Variants in REELD1 observed in about 807,000 individuals in gnomAD.
The protein encoded by REELD1 is reelin domain-containing protein 1.
Under a neutral mutation model 6.3 loss-of-function variants are expected in REELD1, and 12 were observed. The ratio of observed to expected loss-of-function variants is 1.89; its 90% CI spans 1.21 to 3.07. REELD1 has a LOEUF of 3.07. Ranked by LOEUF, REELD1 falls within the 30% of genes most tolerant of loss-of-function variation. The pLI is 0.00. For synonymous variants in REELD1, 57 were observed against 33.6 expected, an observed-to-expected ratio of 1.70 and a Z score of -2.42; for missense variants, 163 against 86.8, an observed-to-expected ratio of 1.88 and a Z score of -3.49.
At chr4:146,219,040 T>G (rs1730875350) in intron 3 of REELD1, among the ~76,000 whole-genome samples, 1 of 152,110 alleles carries the variant, frequency 6.6e-6, no homozygotes, top group Admixed American at 6.5e-5. Flanking sequence ...TGTTCCCAGC[T>G]ACACTGGAGG....
chr4:146,216,149 ATCT>A (rs1730822304), intron 2 of REELD1, among the ~76,000 whole-genome samples: 5 of 152,170 alleles, frequency 3.3e-5, no homozygotes. Flanking sequence ...TATTTTTGTC[ATCT>A]TCTTTTACAT....
intron 5 of REELD1, among the ~76,000 whole-genome samples, chr4:146,224,847 A>G (rs1730992555): frequency 6.6e-6 from 1 of 152,180 alleles, no homozygotes; most frequent in Admixed American, 6.5e-5. Context: ...AACCTAACAC[A>G]TTAAGTCAGG....
At chr4:146,228,978 T>G (rs774093788) in intron 6 of REELD1, 47 bp from the exon 7 acceptor site, 1 of 701,722 alleles carries the variant, frequency 1.4e-6, no homozygotes, top group South Asian at 1.5e-5. Flanking sequence ...TGCTTTTTGG[T>G]CCAAAACTTA....
In REELD1 at chr4:146,231,777, C is replaced by CAAA. The variant is rs1276501630; in HGVS notation, c.*1266_*1267insAAA. 1.3e-5 allele frequency: 2 copies of CAAA among 152,158 alleles called. No homozygotes were observed. The highest frequency in any genetic ancestry group is 2.9e-5 in the Non-Finnish European group (2 of 68,026). The allele number at this position is 152,158 out of a possible 1,614,324, so 9.4% of individuals were successfully genotyped here. A position where few individuals can be genotyped will look rare whatever the true frequency, so the allele number is the denominator to read the frequency against. ...AGGCTTTCCTTATACCTCAATTTAA[C>CAAA]AATTTTTAAAAATTGAGTGTTCAGG... On this transcript the variant is annotated 3_prime_UTR_variant, in exon 8 of 8. Coordinates refer to ENST00000623665, the MANE Select transcript of REELD1 (RefSeq NM_001354631.1).
At chr4:146,220,440 T>C (rs1284693633) in intron 3 of REELD1, among the ~76,000 whole-genome samples, 3 of 152,150 alleles carry the variant, frequency 2.0e-5, no homozygotes, top group Non-Finnish European at 4.4e-5. Context: ...TCAGAAAAAC[T>C]GATTAACAGA....
rs944057953 is a variant in REELD1, at chr4:146,222,563, G to T, written c.415G>T (p.Gly139Trp). Residue 139 changes from glycine to tryptophan, a missense_variant, in exon 4 of 8, where the codon GGG (glycine) becomes TGG (tryptophan). Transcript: ENST00000623665. Reference protein sequence around the residue: ...FVWKAPAQPVGDIKFLLSVVQ... With the variant: ...FVWKAPAQPVWDIKFLLSVVQ... ...GTGGAAGGCCCCAGCCCAGCCTGTG[G>T]GGGACATTAAGTTCCTGTAAGAGAG... The T allele has an allele frequency of 4.5e-5, 18 of 398,462 alleles. No homozygotes were observed. In the Admixed American group the frequency reaches 5.7e-4, roughly 13 times the overall value. The allele number at this position is 398,462 out of a possible 1,614,324, so 24.7% of individuals were successfully genotyped here.
At chr4:146,224,890 T>C (rs1247666609) in intron 5 of REELD1, among the ~76,000 whole-genome samples, 1 of 152,158 alleles carries the variant, frequency 6.6e-6, no homozygotes, top group Non-Finnish European at 1.5e-5. Context: ...TGTGCTGCAA[T>C]ACCAAAAAAC....
At chr4:146,215,649 G>A (rs1294595580) in intron 2 of REELD1, among the ~76,000 whole-genome samples, 3 of 104,078 alleles carry the variant, frequency 2.9e-5, no homozygotes, top group African/African-American at 7.9e-5. Context: ...ACAGGGGAGG[G>A]CATTTTTTTT....
At chr4:146,216,161 A>T (rs1301207761) in intron 2 of REELD1, among the ~76,000 whole-genome samples, 2 of 152,166 alleles carry the variant, frequency 1.3e-5, no homozygotes, top group Non-Finnish European at 2.9e-5. Context: ...CTTCTTTTAC[A>T]TTGCCAAATT....
chr4:146,224,438 T>C lies in REELD1; in HGVS notation c.432-7T>C. On this transcript the variant is annotated splice_region_variant and splice_polypyrimidine_tract_variant and intron_variant, in intron 4 of 7. Coordinates refer to ENST00000623665, the MANE Select transcript of REELD1 (RefSeq NM_001354631.1). ...CGTGAACTGCTCTGCTCTTTCTCTTTCCCCAGTTTATCAGTAGTCCAGTCA... is the reference window on the plus strand; with the variant it reads ...CGTGAACTGCTCTGCTCTTTCTCTTCCCCCAGTTTATCAGTAGTCCAGTCA... The C allele has an allele frequency of 1.6e-6, 1 of 618,104 alleles. No individual in the cohort carries two copies. Among genetic ancestry groups the C allele is most frequent in the East Asian group, 2.8e-5 (1 of 35,708 alleles). 38.3% of individuals were successfully genotyped at this position (618,104 alleles called of 1,614,324 possible). A position where few individuals can be genotyped will look rare whatever the true frequency, so the allele number is the denominator to read the frequency against.
In REELD1 at chr4:146,230,669, A is replaced by T. The variant is rs748367745; in HGVS notation, c.*156A>T. 8 of 395,406 alleles carry T rather than the reference A, an allele frequency of 2.0e-5. No homozygotes were observed. Among genetic ancestry groups the T allele is most frequent in the South Asian group, 1.4e-4 (1 of 6,992 alleles). The allele number at this position is 395,406 out of a possible 1,614,324, so 24.5% of individuals were successfully genotyped here. A position where few individuals can be genotyped will look rare whatever the true frequency, so the allele number is the denominator to read the frequency against. ...GAGGAACCCGGGAGAGGACACTTTC[A>T]TCAACAGAGGGAGTTATTCCTGAGC... On this transcript the variant is annotated 3_prime_UTR_variant, in exon 8 of 8. Transcript: ENST00000623665.
intron 5 of REELD1, among the ~76,000 whole-genome samples, chr4:146,227,058 C>T (rs1209202711): frequency 7.9e-5 from 12 of 152,224 alleles, no homozygotes; most frequent in Non-Finnish European, 1.2e-4. Flanking sequence ...CAGGCGCGAG[C>T]GCCCGGCCTC....
chr4:146,230,828 T>G lies in REELD1; in HGVS notation c.*315T>G. 6 of 188,338 alleles carry G rather than the reference T, an allele frequency of 3.2e-5. No homozygotes were observed. Among genetic ancestry groups the G allele is most frequent in the East Asian group, 1.2e-4 (1 of 8,196 alleles). The allele number at this position is 188,338 out of a possible 1,614,324, so 11.7% of individuals were successfully genotyped here. A position where few individuals can be genotyped will look rare whatever the true frequency, so the allele number is the denominator to read the frequency against. ...AACTAGACCCCTGTGGCCACTAAGC[T>G]TCCTCTGTTGTGGTAAGGAAGCCAT... On this transcript the variant is annotated 3_prime_UTR_variant, in exon 8 of 8. Coordinates refer to ENST00000623665, the MANE Select transcript of REELD1 (RefSeq NM_001354631.1).
At chr4:146,216,445 G>A (rs1730827550) in intron 2 of REELD1, among the ~76,000 whole-genome samples, 1 of 152,210 alleles carries the variant, frequency 6.6e-6, no homozygotes, top group Non-Finnish European at 1.5e-5. Context: ...GTTGGTAGAT[G>A]TTTTGTAGCA....
intron 6 of REELD1, 115 bp downstream of exon 6, chr4:146,228,637 G>A (rs1219509855): frequency 1.7e-6 from 1 of 601,768 alleles, no homozygotes; most frequent in Non-Finnish European, 2.9e-6. Context: ...TTAAGTGTGT[G>A]AAAAACCCAG....
rs910082865 is a variant in REELD1 at position 146,224,590 on chromosome 4, G to A, written c.577G>A (p.Val193Ile). 1 of 702,266 alleles carries A rather than the reference G, an allele frequency of 1.4e-6. No homozygotes were observed. The highest frequency in any genetic ancestry group is 2.6e-6 in the Non-Finnish European group (1 of 384,942). 43.5% of individuals were successfully genotyped at this position (702,266 alleles called of 1,614,324 possible). A position where few individuals can be genotyped will look rare whatever the true frequency, so the allele number is the denominator to read the frequency against. ...MPNLHQRLGD[V>I]EGAAPAPRTP... ...AAACCTTCACCAGAGGCTGGGCGAT[G>A]TTGAAGGAGCTGCTCCAGGTACAGC... The change falls in exon 5 of 8, where the codon GTT (valine) becomes ATT (isoleucine). Residue 193 changes from valine (V) to isoleucine (I), a missense_variant. Transcript: ENST00000623665.
intron 3 of REELD1, among the ~76,000 whole-genome samples, chr4:146,218,899 A>C (rs1311365783): frequency 1.3e-5 from 2 of 151,902 alleles, no homozygotes; most frequent in Non-Finnish European, 2.9e-5. Flanking sequence ...CTGTAATCCC[A>C]GCACTTTGGG....
Position 146,230,601 on chromosome 4 carries a change from G to A in REELD1, c.*88G>A, listed in dbSNP as rs1359120304. On this transcript the variant is annotated 3_prime_UTR_variant, in exon 8 of 8. Coordinates refer to ENST00000623665, the MANE Select transcript of REELD1 (RefSeq NM_001354631.1). ...AGCAGAGATAATGAGAATAACTGAT[G>A]AAGACAGGGACTCATTGTGCCTCTG... 5.0e-6 allele frequency: 2 copies of A among 397,518 alleles called. No individual in the cohort carries two copies. Among genetic ancestry groups the A allele is most frequent in the Non-Finnish European group, 8.9e-6 (2 of 225,956 alleles). The allele number at this position is 397,518 out of a possible 1,614,324, so 24.6% of individuals were successfully genotyped here. A position where few individuals can be genotyped will look rare whatever the true frequency, so the allele number is the denominator to read the frequency against.
In REELD1 at chr4:146,216,999, G is replaced by T. The variant is rs374750582; in HGVS notation, c.47G>T (p.Cys16Phe). The change falls in exon 3 of 8, where the codon TGC becomes TTC. Residue 16 changes from cysteine (C) to phenylalanine (F), a missense_variant. Cys to Phe is a radical substitution (Grantham distance 205). Coordinates refer to ENST00000623665, the MANE Select transcript of REELD1 (RefSeq NM_001354631.1). ...ALVGWACTTL[C>F]LASCSSAFSH... ...GTGGGCTGGGCTTGTACCACCCTCT[G>T]CCTGGCTTCCTGCTCATCTGCCTTT... is the stretch of plus-strand genomic sequence containing the variant. The T allele has an allele frequency of 3.5e-5, 14 of 398,772 alleles. No homozygotes were observed. Among genetic ancestry groups the T allele is most frequent in the Middle Eastern group, 6.3e-4 (1 of 1,590 alleles). 24.7% of individuals were successfully genotyped at this position (398,772 alleles called of 1,614,324 possible).
Sources: gnomAD v4.1 joint callset for allele counts (sites outside exome capture counted in the v4.1 genomes callset) on GRCh38, gnomAD v4.1.1 for gene constraint, MANE v1.5 for transcripts, NCBI Gene and HGNC (gene_info 2026-07-23, HGNC 2026-07-21) for gene names.